The following MPHOSPH8 variants were observed in gnomAD, a reference collection of about 807,000 sequenced individuals.
MPHOSPH8 encodes M-phase phosphoprotein 8.
A neutral mutation model predicts 87.3 loss-of-function variants in MPHOSPH8; 45 were observed. That is an observed-to-expected ratio of 0.52 (90% confidence interval 0.41 to 0.66). The LOEUF is 0.66. Among genes scored for constraint, MPHOSPH8 ranks in the 30% least tolerant of loss-of-function variants. MPHOSPH8 has a pLI of 0.00. For synonymous variants in MPHOSPH8, 366 were observed against 376.9 expected, an observed-to-expected ratio of 0.97 and a Z score of 0.33; for missense variants, 883 against 1,020.2, an observed-to-expected ratio of 0.87 and a Z score of 1.83.
At chr13:19,656,506 TC>T (rs1421088901) in intron 5 of MPHOSPH8, among the ~76,000 whole-genome samples, 1 of 152,096 alleles carries the variant, frequency 6.6e-6, no homozygotes, top group Non-Finnish European at 1.5e-5. Flanking sequence ...ACACCTATAA[TC>T]CCAGCACCTT....
In MPHOSPH8 at chr13:19,659,679, T is replaced by A. The variant is rs752840327; in HGVS notation, c.1791+390T>A. The A allele has an allele frequency of 1.9e-3, 788 of 416,004 alleles. 4 individuals are homozygous for A. Among genetic ancestry groups the A allele is most frequent in the South Asian group, 0.012 (707 of 56,660 alleles). The allele number at this position is 416,004 out of a possible 1,614,324, so 25.8% of individuals were successfully genotyped here. ...ACTCCCATCTCAAAAAAAAAAAAAATAATGCACGTTCACTTTGTAAAATAA... is the reference window on the plus strand; with the variant it reads ...ACTCCCATCTCAAAAAAAAAAAAAAAAATGCACGTTCACTTTGTAAAATAA... On this transcript the variant is annotated intron_variant, in intron 7 of 13. Coordinates refer to ENST00000361479, the MANE Select transcript of MPHOSPH8 (RefSeq NM_017520.4).
At chr13:19,669,716 G>C (rs1344965861) in intron 11 of MPHOSPH8, among the ~76,000 whole-genome samples, 2 of 151,088 alleles carry the variant, frequency 1.3e-5, no homozygotes, top group African/African-American at 4.9e-5. Context: ...CACCATATTG[G>C]CCAGGCTGAT....
At chr13:19,662,523 A>C (rs1003396160) in intron 8 of MPHOSPH8, among the ~76,000 whole-genome samples, 1 of 152,218 alleles carries the variant, frequency 6.6e-6, no homozygotes, top group African/African-American at 2.4e-5. Context: ...TACAGGCATG[A>C]GCCACCGCAC....
intron 2 of MPHOSPH8, among the ~76,000 whole-genome samples, chr13:19,644,949 A>G (rs1394571716): frequency 6.6e-6 from 1 of 151,776 alleles, no homozygotes; most frequent in South Asian, 2.1e-4. Flanking sequence ...TGCTTTTAGG[A>G]TAGTCAACCT....
intron 12 of MPHOSPH8, chr13:19,671,002 G>T: frequency 1.6e-6 from 2 of 1,244,562 alleles, no homozygotes; most frequent in South Asian, 3.1e-5. Flanking sequence ...TGTATTTTTT[G>T]TAGAGATGGG....
At chr13:19,640,011 G>A (rs940913511) in intron 1 of MPHOSPH8, among the ~76,000 whole-genome samples, 1 of 151,970 alleles carries the variant, frequency 6.6e-6, no homozygotes, top group East Asian at 1.9e-4. Context: ...GAGGCTGAGC[G>A]ATGAGAATCA....
chr13:19,668,696 C>T (rs1240659544), intron 11 of MPHOSPH8, among the ~76,000 whole-genome samples, 165 bp downstream of exon 11: 1 of 152,158 alleles, frequency 6.6e-6, no homozygotes, highest in Non-Finnish European at 1.5e-5. Context: ...GAAGAGACAT[C>T]CAGCTGACAC....
Position 19,659,596 on chromosome 13 carries a change from C to G in MPHOSPH8, c.1791+307C>G, listed in dbSNP as rs540911867. The G allele has an allele frequency of 1.3e-5, 5 of 384,360 alleles. No individual in the cohort carries two copies. In the Admixed American group the frequency reaches 1.8e-4, roughly 14 times the overall value. The allele number at this position is 384,360 out of a possible 1,614,324, so 23.8% of individuals were successfully genotyped here. ...ACAGGATCACCTGAGCCTGGGAGGT[C>G]AAGGCTGTGGTAAGTGGAGATCACA... On this transcript the variant is annotated intron_variant, in intron 7 of 13. Transcript: ENST00000361479.
intron 8 of MPHOSPH8, 98 bp from the exon 9 acceptor site, chr13:19,662,942 G>A: frequency 9.8e-7 from 1 of 1,020,104 alleles, no homozygotes; most frequent in East Asian, 2.5e-5. Flanking sequence ...GATAGAACCT[G>A]CTGGGTATTT....
intron 1 of MPHOSPH8, among the ~76,000 whole-genome samples, 168 bp from the exon 2 acceptor site, chr13:19,641,944 TTTC>T (rs889272944): frequency 9.2e-5 from 14 of 152,162 alleles, no homozygotes; most frequent in African/African-American, 3.1e-4. Flanking sequence ...CAATACTTTT[TTTC>T]TTAAGCCACT....
intron 5 of MPHOSPH8, 140 bp downstream of exon 5, chr13:19,650,400 AT>A: frequency 1.0e-6 from 1 of 986,944 alleles, no homozygotes; most frequent in Non-Finnish European, 1.4e-6. Context: ...AATAAATAAC[AT>A]TTTATATTGA....
chr13:19,642,093 C>CTTTATTATTTCCTTTATTTTTA (rs1874324826), intron 1 of MPHOSPH8, 22 bp from the exon 2 acceptor site: 1 of 1,310,548 alleles, frequency 7.6e-7, no homozygotes, highest in African/African-American at 1.6e-5. Flanking sequence ...CTTTATTTGC[C>CTTTATTATTTCCTTTATTTTTA]TCCTTTTATT....
At chr13:19,652,098 T>C (rs938581254) in intron 5 of MPHOSPH8, among the ~76,000 whole-genome samples, 3 of 152,036 alleles carry the variant, frequency 2.0e-5, no homozygotes, top group Non-Finnish European at 4.4e-5. Flanking sequence ...CGAGTCTCCA[T>C]CTCAAAATAA....
intron 1 of MPHOSPH8, among the ~76,000 whole-genome samples, chr13:19,638,418 T>C (rs1874113972): frequency 6.6e-6 from 1 of 151,826 alleles, no homozygotes. Flanking sequence ...ATCGAGACTA[T>C]CCTGGCCAAC....
chr13:19,667,742 A>G (rs1875893936), intron 10 of MPHOSPH8, among the ~76,000 whole-genome samples: 1 of 152,212 alleles, frequency 6.6e-6, no homozygotes, highest in Non-Finnish European at 1.5e-5. Context: ...AGTTTATTCA[A>G]GTTCATTCTT....
At position 19,673,221 on chromosome 13, in the gene MPHOSPH8, G is replaced by A; in HGVS notation, c.*1346G>A. ...TGGGAGCCACCACCCTCTCTGGGAA[G>A]AGTTCCTGCTTCTGTATGGCAAGCA... On this transcript the variant is annotated 3_prime_UTR_variant, in exon 14 of 14. Transcript: ENST00000361479. 1 of 428,898 alleles carries A rather than the reference G, an allele frequency of 2.3e-6. No homozygotes were observed. The highest frequency in any genetic ancestry group is 1.7e-5 in the South Asian group (1 of 58,736). 26.6% of individuals were successfully genotyped at this position (428,898 alleles called of 1,614,324 possible).
intron 1 of MPHOSPH8, among the ~76,000 whole-genome samples, chr13:19,639,725 G>A (rs976791572): frequency 6.6e-6 from 1 of 152,142 alleles, no homozygotes; most frequent in African/African-American, 2.4e-5. Context: ...AGAAAAAGAA[G>A]GTGATTAAAA....
intron 1 of MPHOSPH8, 75 bp downstream of exon 1, chr13:19,634,036 G>C (rs1873858871): frequency 1.4e-6 from 2 of 1,464,662 alleles, no homozygotes; most frequent in African/African-American, 2.8e-5. Context: ...GCTGGAAACA[G>C]CACGGGCAGA....
At chr13:19,637,245 G>T (rs73433089) in intron 1 of MPHOSPH8, among the ~76,000 whole-genome samples, 34 of 152,148 alleles carry the variant, frequency 2.2e-4, no homozygotes, top group African/African-American at 8.2e-4. Flanking sequence ...TCATCAATTA[G>T]GTCATATTTC....
Sources: gnomAD v4.1 joint callset for allele counts (sites outside exome capture counted in the v4.1 genomes callset) on GRCh38, gnomAD v4.1.1 for gene constraint, MANE v1.5 for transcripts, NCBI Gene and HGNC (gene_info 2026-07-23, HGNC 2026-07-21) for gene names.